COL19A1: variants seen among roughly 807,000 people sequenced by gnomAD.
COL19A1 encodes the protein collagen alpha-1(XIX) chain.
COL19A1 carries 159 observed loss-of-function variants against 190.2 expected under a neutral mutation model. The observed-to-expected ratio is 0.84, with a 90% CI of 0.73 to 0.95. The LOEUF is 0.95. COL19A1 is among the 40% of genes least tolerant of loss of function. The pLI is 0.00. For synonymous variants in COL19A1, 509 were observed against 458.9 expected (o/e 1.11, Z -1.39); for missense variants, 1,418 against 1,431.9 (o/e 0.99, Z 0.16).
chr6:70,061,962 A>G (rs1422434164), intron 14 of COL19A1, among the ~76,000 whole-genome samples: 1 of 152,010 alleles, frequency 6.6e-6, no homozygotes, highest in Non-Finnish European at 1.5e-5. Context: ...TGGCCTAATT[A>G]TCCAACATTA....
chr6:69,914,051 C>T (rs941123078), intron 4 of COL19A1, among the ~76,000 whole-genome samples: 1 of 152,016 alleles, frequency 6.6e-6, no homozygotes, highest in Admixed American at 6.5e-5. Flanking sequence ...TCTAATTTAT[C>T]CTTGGTTTTT....
intron 18 of COL19A1, among the ~76,000 whole-genome samples, chr6:70,132,059 A>G (rs193155999): frequency 4.9e-4 from 75 of 152,314 alleles, no homozygotes; most frequent in Non-Finnish European, 1.6e-4. Context: ...ACATAAAAAA[A>G]CTTTTAAAAA....
chr6:70,185,394 CAT>C (rs1170004488), intron 46 of COL19A1, among the ~76,000 whole-genome samples: 1 of 152,134 alleles, frequency 6.6e-6, no homozygotes, highest in East Asian at 1.9e-4. Context: ...TGTCTCCAGA[CAT>C]CACCAAATGT....
chr6:69,871,164 T>C (rs1319781108), intron 1 of COL19A1, among the ~76,000 whole-genome samples: 2 of 152,240 alleles, frequency 1.3e-5, no homozygotes, highest in Admixed American at 6.5e-5. Context: ...TTTGCCTGAT[T>C]ATTGGCTTGA....
intron 4 of COL19A1, among the ~76,000 whole-genome samples, chr6:69,909,010 A>G (rs1770733282): frequency 6.6e-6 from 1 of 152,186 alleles, no homozygotes; most frequent in African/African-American, 2.4e-5. Flanking sequence ...AAATCTATTT[A>G]TACATTTAAG....
intron 20 of COL19A1, 21 bp from the exon 21 acceptor site, chr6:70,141,872 T>C (rs1786273683): frequency 6.7e-7 from 1 of 1,486,414 alleles, no homozygotes; most frequent in Non-Finnish European, 9.4e-7. Flanking sequence ...ATTACCCTTA[T>C]AGTAATTATT....
intron 9 of COL19A1, among the ~76,000 whole-genome samples, chr6:69,945,905 T>G (rs1208522): frequency 1.8e-3 from 279 of 152,106 alleles, no homozygotes; most frequent in Non-Finnish European, 3.5e-3. Flanking sequence ...GAGGATAAAT[T>G]TATTAGACTG....
rs1787836894 is a variant in COL19A1, at chr6:70,161,969, A to G, written c.2346+16A>G. Reference sequence around the variant, plus strand: ...TGGACCCCCTGTAAGTATTTGTTAAAACGATTGCACTCACAGCTTATATCT... The same window carrying G: ...TGGACCCCCTGTAAGTATTTGTTAAGACGATTGCACTCACAGCTTATATCT... On this transcript the variant is annotated intron_variant, in intron 35 of 50. Transcript: ENST00000620364. 6 of 1,586,204 alleles carry G rather than the reference A, an allele frequency of 3.8e-6. No individual in the cohort carries two copies. The highest frequency in any genetic ancestry group is 1.7e-4 in the Middle Eastern group (1 of 5,948).
intron 2 of COL19A1, among the ~76,000 whole-genome samples, chr6:69,894,330 TC>T (rs1561970829): frequency 6.6e-6 from 1 of 152,178 alleles, no homozygotes; most frequent in African/African-American, 2.4e-5. Flanking sequence ...ATTCCATATG[TC>T]CCCAGGCCTT....
chr6:70,159,414 A>G (rs1787643713), intron 34 of COL19A1, among the ~76,000 whole-genome samples: 1 of 151,022 alleles, frequency 6.6e-6, no homozygotes. Flanking sequence ...ATGTATACAC[A>G]CATACACATA....
At chr6:69,889,264 CAAT>C (rs1466455086) in intron 2 of COL19A1, among the ~76,000 whole-genome samples, 3 of 152,088 alleles carry the variant, frequency 2.0e-5, no homozygotes, top group Admixed American at 1.3e-4. Flanking sequence ...ACTTTACATG[CAAT>C]AATGATAATA....
chr6:69,935,075 A>G (rs1214131070), intron 7 of COL19A1, among the ~76,000 whole-genome samples: 4 of 152,026 alleles, frequency 2.6e-5, no homozygotes, highest in Non-Finnish European at 5.9e-5. Context: ...CTTTGTTTCT[A>G]TTGGATTTTC....
At chr6:70,126,255 C>T (rs1316593120) in intron 17 of COL19A1, among the ~76,000 whole-genome samples, 1 of 152,080 alleles carries the variant, frequency 6.6e-6, no homozygotes, top group Non-Finnish European at 1.5e-5. Flanking sequence ...GGACAGAAAG[C>T]CTTTATCCAA....
At chr6:69,914,023 T>C (rs1771131006) in intron 4 of COL19A1, among the ~76,000 whole-genome samples, 1 of 152,136 alleles carries the variant, frequency 6.6e-6, no homozygotes, top group African/African-American at 2.4e-5. Flanking sequence ...TGTATCCTCA[T>C]TTCTAAAGAG....
rs147157281 is a variant in COL19A1, at chr6:69,979,473, A to G, written c.1026+16603A>G. ...TGATAATATGCAATATTCATTCCTA[A>G]TAAGATCTTCAAGTAAAATAGGAAT... On this transcript the variant is annotated intron_variant, in intron 11 of 50. Coordinates refer to ENST00000620364, the MANE Select transcript of COL19A1 (RefSeq NM_001858.6). 2.9e-3 allele frequency among the ~76,000 whole-genome samples: 448 copies of G among 151,988 alleles called. 3 individuals are homozygous for G. The highest frequency in any genetic ancestry group is 9.5e-3 in the African/African-American group (394 of 41,562).
intron 11 of COL19A1, among the ~76,000 whole-genome samples, chr6:69,974,687 G>T (rs753344524): frequency 3.3e-5 from 5 of 151,394 alleles, no homozygotes; most frequent in Non-Finnish European, 7.4e-5. Context: ...AATTTGTTCC[G>T]TATTATTTTG....
Position 70,163,381 on chromosome 6 carries a change from A to G in COL19A1, c.2385A>G (p.Gly795=), listed in dbSNP as rs752926699. The G allele has an allele frequency of 1.2e-6, 2 of 1,612,238 alleles. No homozygotes were observed. Among genetic ancestry groups the G allele is most frequent in the Non-Finnish European group, 8.5e-7 (1 of 1,178,990 alleles). Residue 795 remains glycine, a synonymous_variant, in exon 36 of 51, where the codon GGA becomes GGG. Coordinates refer to ENST00000620364, the MANE Select transcript of COL19A1 (RefSeq NM_001858.6). ...GAACTGGACATCCTGGTCCCACAGG[A>G]GCAAAAGGTGAAAAGGTACAAAGGA... ...MGRTGHPGPT[G]AKGEKGSDGP... is the part of the protein sequence containing the mutation.
chr6:70,140,509 A>T lies in COL19A1; in HGVS notation c.1447-445A>T, dbSNP rs1444926301. Among the ~76,000 whole-genome samples, 3 of 152,126 alleles carry T rather than the reference A, an allele frequency of 2.0e-5. No homozygotes were observed. The East Asian group carries it at 5.8e-4, about 29-fold the overall frequency. On this transcript the variant is annotated intron_variant, in intron 19 of 50. Transcript: ENST00000620364. The stretch of plus-strand genomic sequence containing the variant: ...TAAAAACTAGGAAACTATTTTTAAA[A>T]TAATGAGTTTGTATATTTAAGCACA...
At chr6:70,199,576 A>G (rs1291085565) in intron 48 of COL19A1, 32 bp from the exon 49 acceptor site, 8 of 1,404,718 alleles carry the variant, frequency 5.7e-6, no homozygotes, top group East Asian at 5.1e-5. Context: ...TTTCTGTTCT[A>G]TGATATATTA....
Sources: gnomAD v4.1 joint callset for allele counts (sites outside exome capture counted in the v4.1 genomes callset) on GRCh38, gnomAD v4.1.1 for gene constraint, MANE v1.5 for transcripts, NCBI Gene and HGNC (gene_info 2026-07-23, HGNC 2026-07-21) for gene names.